The following CFDP1 variants were observed in gnomAD, a reference collection of about 807,000 sequenced individuals.
CFDP1 encodes the protein chromatin remodeling protein CFDP1.
CFDP1 carries 31 observed loss-of-function variants against 40.1 expected under a neutral mutation model. The ratio of observed to expected loss-of-function variants is 0.77; its 90% CI spans 0.58 to 1.04. CFDP1 has a LOEUF of 1.04. Ranked by LOEUF, CFDP1 falls within the 50% of genes least tolerant of loss-of-function variation. The pLI, the probability that CFDP1 is intolerant of heterozygous loss-of-function variation, is 0.00. For synonymous variants in CFDP1, 167 were observed against 120.0 expected, an observed-to-expected ratio of 1.39 and a Z score of -2.56; for missense variants, 423 against 343.4, an observed-to-expected ratio of 1.23 and a Z score of -1.83.
intron 5 of CFDP1, among the ~76,000 whole-genome samples, chr16:75,377,265 A>T (rs1544810): frequency 0.52 from 79,662 of 152,164 alleles, 21,809 homozygotes; most frequent in Admixed American, 0.64. Flanking sequence ...AAAAAGCAGT[A>T]CTTAATGAAT....
intron 5 of CFDP1, among the ~76,000 whole-genome samples, chr16:75,390,607 A>C (rs980046155): frequency 6.6e-6 from 1 of 152,224 alleles, no homozygotes; most frequent in Non-Finnish European, 1.5e-5. Context: ...AGTTTTGGAT[A>C]AAGTGTTCTC....
chr16:75,346,079 C>T (rs1182531483), intron 5 of CFDP1, among the ~76,000 whole-genome samples: 1 of 152,212 alleles, frequency 6.6e-6, no homozygotes, highest in Non-Finnish European at 1.5e-5. Context: ...TCAGTACTCC[C>T]AATGCATCTC....
chr16:75,423,339 C>A (rs573649300), intron 1 of CFDP1, among the ~76,000 whole-genome samples: 34 of 151,196 alleles, frequency 2.2e-4, no homozygotes, highest in African/African-American at 8.0e-4. Flanking sequence ...GTCCCAGGTA[C>A]CTGGGAGGCT....
intron 5 of CFDP1, among the ~76,000 whole-genome samples, chr16:75,322,447 G>C (rs1236836457): frequency 6.6e-6 from 1 of 152,170 alleles, no homozygotes; most frequent in Non-Finnish European, 1.5e-5. Context: ...AACCTAGATA[G>C]TATAGCCTAC....
At position 75,336,663 on chromosome 16, in the gene CFDP1, G is replaced by A. The variant is rs1362641422; in HGVS notation, c.651-31481C>T. ...AGCACACAAAACATGTCCTCATTCT[G>A]TTAAAGCTGTATGTTATTCCATTGT... is the stretch of plus-strand genomic sequence containing the variant. On this transcript the variant is annotated intron_variant, in intron 5 of 6. Transcript: ENST00000283882. Among the ~76,000 whole-genome samples the A allele has an allele frequency of 2.0e-5, 3 of 152,256 alleles. No homozygotes were observed. In the East Asian group the frequency reaches 5.8e-4, roughly 29 times the overall value.
intron 5 of CFDP1, among the ~76,000 whole-genome samples, chr16:75,332,200 C>G (rs1259740469): frequency 6.6e-6 from 1 of 152,170 alleles, no homozygotes; most frequent in African/African-American, 2.4e-5. Flanking sequence ...TGCGGTGGCT[C>G]ACGCCTGTAA....
intron 4 of CFDP1, among the ~76,000 whole-genome samples, chr16:75,410,923 A>G (rs1332698082): frequency 2.7e-5 from 4 of 149,758 alleles, no homozygotes; most frequent in South Asian, 4.2e-4. Flanking sequence ...AAAAAAAAAA[A>G]AAAGAAAAAA....
At chr16:75,295,725 T>C (rs1369232499) in intron 6 of CFDP1, among the ~76,000 whole-genome samples, 1 of 152,216 alleles carries the variant, frequency 6.6e-6, no homozygotes, top group Non-Finnish European at 1.5e-5. Flanking sequence ...GGGGTCAGGA[T>C]TGTCAGATTT....
intron 5 of CFDP1, among the ~76,000 whole-genome samples, chr16:75,316,205 C>T (rs2078322307): frequency 1.3e-5 from 2 of 152,282 alleles, no homozygotes; most frequent in Non-Finnish European, 2.9e-5. Context: ...AAGCGTGATC[C>T]CTTGGGTAAG....
intron 1 of CFDP1, among the ~76,000 whole-genome samples, chr16:75,427,268 C>G (rs777583960): frequency 6.7e-6 from 1 of 149,854 alleles, no homozygotes; most frequent in South Asian, 2.1e-4. Flanking sequence ...CTTTTTTTTT[C>G]GAGACAGTGT....
chr16:75,385,244 T>C (rs2078886699), intron 5 of CFDP1, among the ~76,000 whole-genome samples: 2 of 152,080 alleles, frequency 1.3e-5, no homozygotes, highest in African/African-American at 2.4e-5. Context: ...TGACTAATAT[T>C]AATATATATG....
intron 4 of CFDP1, among the ~76,000 whole-genome samples, chr16:75,396,874 T>C (rs1308550370): frequency 6.6e-6 from 1 of 152,126 alleles, no homozygotes; most frequent in African/African-American, 2.4e-5. Context: ...CAGTGGCCTC[T>C]TTTGTAGTCC....
At chr16:75,407,919 G>T (rs980139575) in intron 4 of CFDP1, among the ~76,000 whole-genome samples, 4 of 151,974 alleles carry the variant, frequency 2.6e-5, no homozygotes, top group Non-Finnish European at 5.9e-5. Flanking sequence ...ACCAGCCTAG[G>T]CAAAATGGTG....
At chr16:75,360,078 G>T (rs770350887) in intron 5 of CFDP1, among the ~76,000 whole-genome samples, 3 of 152,078 alleles carry the variant, frequency 2.0e-5, no homozygotes, top group Non-Finnish European at 4.4e-5. Context: ...TTTTGGTAGA[G>T]AAGGGGGTCT....
chr16:75,405,736 T>G (rs1597389234), intron 4 of CFDP1, among the ~76,000 whole-genome samples: 8 of 113,888 alleles, frequency 7.0e-5, no homozygotes, highest in Admixed American at 3.2e-4. Context: ...GGTGACAGAG[T>G]GAGACTCCAT....
intron 1 of CFDP1, chr16:75,419,228 A>T (rs1055510487): frequency 1.2e-5 from 2 of 162,112 alleles, no homozygotes; most frequent in South Asian, 2.9e-4. Context: ...TAGAAAATGA[A>T]AACACACTGA....
Position 75,411,808 on chromosome 16 carries a change from T to A in CFDP1, c.530+17A>T. The A allele has an allele frequency of 6.2e-7, 1 of 1,603,834 alleles. No homozygotes were observed. Among genetic ancestry groups the A allele is most frequent in the Non-Finnish European group, 8.5e-7 (1 of 1,177,692 alleles). ...TTTTGAAAATGCTAGTTTCAAAGTT[T>A]TTGAAGGTTCTCTTACCTTACTTCT... On this transcript the variant is annotated intron_variant, in intron 4 of 6. Coordinates refer to ENST00000283882, the MANE Select transcript of CFDP1 (RefSeq NM_006324.3).
intron 5 of CFDP1, among the ~76,000 whole-genome samples, chr16:75,374,456 C>T (rs182459900): frequency 2.1e-4 from 32 of 152,006 alleles, no homozygotes; most frequent in African/African-American, 7.0e-4. Flanking sequence ...GTATCTCATA[C>T]AGATACACAT....
chr16:75,422,461 A>G (rs1438876755), intron 1 of CFDP1, among the ~76,000 whole-genome samples: 13 of 141,892 alleles, frequency 9.2e-5, no homozygotes, highest in African/African-American at 3.6e-4. Flanking sequence ...GTGCAGTGGC[A>G]TGATCTTGGC....
Sources: gnomAD v4.1 joint callset for allele counts (sites outside exome capture counted in the v4.1 genomes callset) on GRCh38, gnomAD v4.1.1 for gene constraint, MANE v1.5 for transcripts, NCBI Gene and HGNC (gene_info 2026-07-23, HGNC 2026-07-21) for gene names.